PIN1: variants seen among roughly 807,000 people sequenced by gnomAD.
The protein encoded by PIN1 is peptidyl-prolyl cis-trans isomerase NIMA-interacting 1.
PIN1 carries 8 observed loss-of-function variants against 19.9 expected under a neutral mutation model. The ratio of observed to expected loss-of-function variants is 0.40; its 90% CI spans 0.24 to 0.72. The LOEUF is 0.72. PIN1 is among the 30% of genes least tolerant of loss of function. PIN1 has a pLI of 0.37. For synonymous variants in PIN1, 86 were observed against 90.8 expected (o/e 0.95, Z 0.30); for missense variants, 185 against 226.5 (o/e 0.82, Z 1.18).
At chr19:9,842,771 A>T (rs1186175145) in intron 2 of PIN1, among the ~76,000 whole-genome samples, 2 of 152,190 alleles carry the variant, frequency 1.3e-5, no homozygotes, top group Non-Finnish European at 2.9e-5. Context: ...GGCATTGGGC[A>T]CCTGGGCCTC....
intron 2 of PIN1, among the ~76,000 whole-genome samples, chr19:9,845,513 A>G (rs2046212907): frequency 6.6e-6 from 1 of 152,118 alleles, no homozygotes. Flanking sequence ...GTTTTAAAAA[A>G]AAAAATCATT....
chr19:9,835,638 G>A (rs1599446274), intron 1 of PIN1: 1 of 483,850 alleles, frequency 2.1e-6, no homozygotes, highest in Admixed American at 4.4e-5. Flanking sequence ...GGTCCGGGGA[G>A]TCCGGGGCGA....
In PIN1 at chr19:9,842,816, G is replaced by A. The variant is rs147653548; in HGVS notation, c.271+4168G>A. ...TCCATGAAGTGGATGTTCTCCCCTCGAGGGTTCATGCCGGGTGATCAGGAG... is the reference window on the plus strand; with the variant it reads ...TCCATGAAGTGGATGTTCTCCCCTCAAGGGTTCATGCCGGGTGATCAGGAG... On this transcript the variant is annotated intron_variant, in intron 2 of 3. Coordinates refer to ENST00000247970, the MANE Select transcript of PIN1 (RefSeq NM_006221.4). Among the ~76,000 whole-genome samples, 26 of 152,312 alleles carry A rather than the reference G, an allele frequency of 1.7e-4. No individual in the cohort carries two copies. The East Asian group carries it at 4.8e-3, about 28-fold the overall frequency.
At chr19:9,845,077 A>G (rs909305371) in intron 2 of PIN1, among the ~76,000 whole-genome samples, 76 of 152,052 alleles carry the variant, frequency 5.0e-4, no homozygotes, top group African/African-American at 1.8e-3. Flanking sequence ...AGACCAGAGG[A>G]TAGCTGATGA....
intron 2 of PIN1, among the ~76,000 whole-genome samples, chr19:9,844,679 C>G (rs1368023985): frequency 6.6e-6 from 1 of 152,164 alleles, no homozygotes; most frequent in Non-Finnish European, 1.5e-5. Flanking sequence ...CATCAAATTT[C>G]ACAGGTTTTG....
intron 2 of PIN1, among the ~76,000 whole-genome samples, chr19:9,844,660 G>A (rs911066991): frequency 1.3e-5 from 2 of 152,168 alleles, no homozygotes; most frequent in Non-Finnish European, 2.9e-5. Context: ...TCCAGCACCC[G>A]ACAGTCCCCA....
At chr19:9,836,407 TGA>T (rs2046105931) in intron 1 of PIN1, 1 of 174,246 alleles carries the variant, frequency 5.7e-6, no homozygotes, top group Non-Finnish European at 1.2e-5. Context: ...GGTTTTAGAG[TGA>T]GTCAGTAGCT....
intron 2 of PIN1, among the ~76,000 whole-genome samples, chr19:9,847,202 A>G: frequency 6.6e-6 from 1 of 151,980 alleles, no homozygotes; most frequent in Non-Finnish European, 1.5e-5. Context: ...AGCCCTCCCC[A>G]CTTGGCTTCC....
chr19:9,848,508 A>C, intron 3 of PIN1: 1 of 277,060 alleles, frequency 3.6e-6, no homozygotes, highest in Non-Finnish European at 7.1e-6. Context: ...GTCCCCCAGA[A>C]TCCCTCTCAA....
At position 9,846,185 on chromosome 19, in the gene PIN1, C is replaced by T. The variant is rs534546292; in HGVS notation, c.272-1845C>T. On this transcript the variant is annotated intron_variant, in intron 2 of 3. Coordinates refer to ENST00000247970, the MANE Select transcript of PIN1 (RefSeq NM_006221.4). The surrounding 1 kb of genome is among the most constrained non-coding windows in gnomAD (Gnocchi z 5.9). ...GCATTCTGATCAAACCAGGGCATCA[C>T]GGGCAGAAGCCTCTGTAATGTGCCA... Among the ~76,000 whole-genome samples the T allele has an allele frequency of 1.4e-4, 21 of 152,308 alleles. No homozygotes were observed. The highest frequency in any genetic ancestry group is 4.8e-4 in the African/African-American group (20 of 41,572).
At chr19:9,848,822 T>C (rs1218760366) in intron 3 of PIN1, among the ~76,000 whole-genome samples, 1 of 152,132 alleles carries the variant, frequency 6.6e-6, no homozygotes, top group East Asian at 1.9e-4. Context: ...ACTACCGAAG[T>C]GGCCCCTAAA....
chr19:9,848,003 C>A, intron 2 of PIN1, 27 bp from the exon 3 acceptor site: 1 of 1,440,038 alleles, frequency 6.9e-7, no homozygotes, highest in Non-Finnish European at 9.8e-7. Flanking sequence ...CCTGACCTGG[C>A]ACTCCCATTC....
intron 3 of PIN1, 84 bp downstream of exon 3, chr19:9,848,224 C>T (rs758142627): frequency 3.7e-6 from 3 of 804,936 alleles, no homozygotes; most frequent in Admixed American, 1.9e-5. Context: ...GCATTGGGCT[C>T]CCAGGTGCCA....
chr19:9,849,094 G>T lies in PIN1; in HGVS notation c.387G>T (p.Gln129His), dbSNP rs760802723. 1.2e-6 allele frequency: 2 copies of T among 1,612,416 alleles called. No homozygotes were observed. The highest frequency in any genetic ancestry group is 3.3e-5 in the Admixed American group (2 of 60,012). The part of the protein sequence containing the change: ...RGDLGAFSRG[Q>H]MQKPFEDASF... The stretch of plus-strand genomic sequence containing the variant: ...ACCGCCCCTCCTGGCTCCCAGGTCA[G>T]ATGCAGAAGCCATTTGAAGACGCCT... Residue 129 changes from glutamine to histidine, a missense_variant, in exon 4 of 4, where the codon CAG (glutamine) becomes CAT (histidine). Gln to His is a conservative substitution (Grantham distance 24, BLOSUM62 0). Transcript: ENST00000247970.
chr19:9,841,940 G>A (rs928774111), intron 2 of PIN1, among the ~76,000 whole-genome samples: 1 of 152,180 alleles, frequency 6.6e-6, no homozygotes, highest in Non-Finnish European at 1.5e-5. Context: ...ATGAGAGCTG[G>A]CAGAAGGCTG....
rs1305989349 is a variant in PIN1, at chr19:9,849,060, G to A, written c.383-30G>A. Reference sequence around the variant, plus strand: ...TCCTGGCCTCTGCCAGCCCAGCCCTGACACCCCCACCGCCCCTCCTGGCTC... The same window carrying A: ...TCCTGGCCTCTGCCAGCCCAGCCCTAACACCCCCACCGCCCCTCCTGGCTC... On this transcript the variant is annotated intron_variant, in intron 3 of 3. Coordinates refer to ENST00000247970, the MANE Select transcript of PIN1 (RefSeq NM_006221.4). The A allele has an allele frequency of 4.7e-6, 7 of 1,501,310 alleles. No individual in the cohort carries two copies. The Admixed American group carries it at 1.2e-4, about 25-fold the overall frequency. 93.0% of individuals were successfully genotyped at this position (1,501,310 alleles called of 1,614,324 possible). A position where few individuals can be genotyped will look rare whatever the true frequency, so the allele number is the denominator to read the frequency against.
In PIN1 at chr19:9,835,795, G is replaced by A. The variant is rs149416193; in HGVS notation, c.58+393G>A. 4.3e-5 allele frequency: 10 copies of A among 233,520 alleles called. No homozygotes were observed. The East Asian group carries it at 9.4e-4, about 22-fold the overall frequency. The allele number at this position is 233,520 out of a possible 1,614,324, so 14.5% of individuals were successfully genotyped here. A position where few individuals can be genotyped will look rare whatever the true frequency, so the allele number is the denominator to read the frequency against. ...TGCAAAGGGCGTAGGGTGTTGCCCG[G>A]CCTCGGGTCCACAACCTACCCCTGC... On this transcript the variant is annotated intron_variant, in intron 1 of 3. Coordinates refer to ENST00000247970, the MANE Select transcript of PIN1 (RefSeq NM_006221.4).
chr19:9,839,987 A>G (rs1480341479), intron 2 of PIN1, among the ~76,000 whole-genome samples: 2 of 152,120 alleles, frequency 1.3e-5, no homozygotes, highest in South Asian at 2.1e-4. Flanking sequence ...GTGACAGAGC[A>G]AGACCCTGTC....
At chr19:9,840,990 G>A (rs918780509) in intron 2 of PIN1, among the ~76,000 whole-genome samples, 1 of 152,224 alleles carries the variant, frequency 6.6e-6, no homozygotes, top group Non-Finnish European at 1.5e-5. Context: ...AGTAAAGCGG[G>A]AGTAACAGCT....
Sources: allele counts gnomAD v4.1 joint callset (sites outside exome capture counted in the v4.1 genomes callset), GRCh38; gene constraint gnomAD v4.1.1; non-coding constraint Gnocchi (gnomAD v3.1); transcripts MANE v1.5; gene names NCBI Gene and HGNC (gene_info 2026-07-23, HGNC 2026-07-21).